HDAC9: variants seen among roughly 807,000 people sequenced by gnomAD.
HDAC9 encodes MEF-2 interacting transcription repressor (MITR) protein.
HDAC9 carries 41 observed loss-of-function variants against 139.4 expected under a neutral mutation model. That is an observed-to-expected ratio of 0.29 (90% CI 0.23 to 0.38). The LOEUF (loss-of-function observed/expected upper bound fraction) is 0.38. HDAC9 is among the 10% of genes least tolerant of loss of function. The pLI is 1.00. For missense variants in HDAC9, 1,147 were observed against 1,297.0 expected (o/e 0.88, Z 1.78); for synonymous variants, 517 against 476.2 (o/e 1.09, Z -1.12).
intron 6 of HDAC9, among the ~76,000 whole-genome samples, chr7:18,596,996 A>G (rs1832682827): frequency 6.6e-6 from 1 of 152,094 alleles, no homozygotes; most frequent in South Asian, 2.1e-4. Context: ...ACCTTTTAGG[A>G]CCTTCCCCAG....
At chr7:18,307,403 C>A (rs1167984041) in intron 1 of HDAC9, among the ~76,000 whole-genome samples, 5 of 152,082 alleles carry the variant, frequency 3.3e-5, no homozygotes, top group Middle Eastern at 3.2e-3. Context: ...TGTTCAAGAC[C>A]ATTATAAAAA....
chr7:18,314,206 G>A (rs576003409), intron 1 of HDAC9, among the ~76,000 whole-genome samples: 2 of 152,282 alleles, frequency 1.3e-5, no homozygotes, highest in South Asian at 4.1e-4. Flanking sequence ...GGATATGTGG[G>A]TGAGGAGGCC....
At chr7:18,148,435 T>C (rs1786509377) in intron 1 of HDAC9, among the ~76,000 whole-genome samples, 1 of 152,164 alleles carries the variant, frequency 6.6e-6, no homozygotes, top group South Asian at 2.1e-4. Flanking sequence ...CTGACTGTAT[T>C]CTGCCTCTCC....
rs1788190300 is a variant in HDAC9 at position 18,648,567 on chromosome 7, C to A, written c.1351C>A (p.Arg451=). 4 of 1,613,490 alleles carry A rather than the reference C, an allele frequency of 2.5e-6. No homozygotes were observed. The highest frequency in any genetic ancestry group is 1.7e-5 in the Admixed American group (1 of 59,968). The part of the protein sequence containing the change: ...HKLPRHRPLN[R]TQSAPLPQST... ...ATTGCCCCGTCACAGACCCCTGAAC[C>A]GAACCCAGTCTGCACCTTTGCCTCA... The change falls in exon 11 of 26, where the codon CGA becomes AGA. Residue 451 remains arginine, a synonymous_variant. Coordinates refer to ENST00000686413, the MANE Select transcript of HDAC9 (RefSeq NM_178425.4).
At chr7:18,980,347 T>A (rs1397278980) in intron 25 of HDAC9, among the ~76,000 whole-genome samples, 2 of 152,220 alleles carry the variant, frequency 1.3e-5, no homozygotes, top group Admixed American at 1.3e-4. Context: ...GCTTCCCATC[T>A]CATCTTTTTC....
At chr7:18,842,166 A>T (rs1482928445) in intron 21 of HDAC9, among the ~76,000 whole-genome samples, 1 of 152,094 alleles carries the variant, frequency 6.6e-6, no homozygotes, top group Non-Finnish European at 1.5e-5. Context: ...CTTGCAATGG[A>T]TTCTCAATTG....
At chr7:18,263,722 C>A (rs1440225491) in intron 2 of HDAC9, among the ~76,000 whole-genome samples, 2 of 151,908 alleles carry the variant, frequency 1.3e-5, no homozygotes, top group Non-Finnish European at 2.9e-5. Flanking sequence ...AATTCTCATG[C>A]CCCAGCCTCC....
intron 1 of HDAC9, among the ~76,000 whole-genome samples, chr7:18,435,073 A>AT (rs1262981641): frequency 6.6e-6 from 1 of 151,206 alleles, no homozygotes; most frequent in East Asian, 1.9e-4. Context: ...AAAAAAAAAA[A>AT]AAAAAAAAGA....
intron 2 of HDAC9, among the ~76,000 whole-genome samples, chr7:18,213,321 T>A (rs537624640): frequency 1.3e-5 from 2 of 152,272 alleles, no homozygotes; most frequent in African/African-American, 4.8e-5. Flanking sequence ...ACCTCATGTA[T>A]ATATAAGAGA....
chr7:18,854,567 T>C (rs1357961536), intron 21 of HDAC9, among the ~76,000 whole-genome samples: 1 of 151,584 alleles, frequency 6.6e-6, no homozygotes, highest in African/African-American at 2.4e-5. Flanking sequence ...GAAGAGTCAA[T>C]AGGAGGGTAG....
In HDAC9 at chr7:18,938,230, CAAAAAAAAAAAAA is replaced by C. The variant is rs71553939; in HGVS notation, c.2937+2300_2937+2312del. Among the ~76,000 whole-genome samples the C allele has an allele frequency of 1.4e-3, 102 of 75,336 alleles. 2 individuals carry two copies. The highest frequency in any genetic ancestry group is 0.014 in the Middle Eastern group (1 of 74). 49.4% of individuals were successfully genotyped at this position (75,336 alleles called of 152,430 possible). A position where few individuals can be genotyped will look rare whatever the true frequency, so the allele number is the denominator to read the frequency against. On this transcript the variant is annotated intron_variant, in intron 23 of 25. Coordinates refer to ENST00000686413, the MANE Select transcript of HDAC9 (RefSeq NM_178425.4). ...TGGGCGACAGAGCGAGACTCCGTCT[CAAAAAAAAAAAAA>C]AAAAAAAAAAATTGATGGCAATATG...
At chr7:18,841,254 A>G (rs926459036) in intron 21 of HDAC9, among the ~76,000 whole-genome samples, 2 of 152,010 alleles carry the variant, frequency 1.3e-5, no homozygotes, top group Non-Finnish European at 2.9e-5. Flanking sequence ...ACAAGTAAAT[A>G]TTTGCATTCA....
At chr7:18,490,523 T>A (rs542060508) in intron 1 of HDAC9, among the ~76,000 whole-genome samples, 1 of 152,168 alleles carries the variant, frequency 6.6e-6, no homozygotes, top group Admixed American at 6.6e-5. Flanking sequence ...TGTAAAATCT[T>A]GCGTCAGATG....
intron 2 of HDAC9, among the ~76,000 whole-genome samples, chr7:18,561,415 A>G (rs1429222946): frequency 6.6e-6 from 1 of 152,178 alleles, no homozygotes; most frequent in Non-Finnish European, 1.5e-5. Flanking sequence ...GTATATCTAA[A>G]CAATTTAATT....
chr7:18,601,409 T>C (rs1833902274), intron 6 of HDAC9, among the ~76,000 whole-genome samples: 1 of 152,202 alleles, frequency 6.6e-6, no homozygotes, highest in African/African-American at 2.4e-5. Flanking sequence ...CGATGTGATT[T>C]GTGGACAAAA....
chr7:18,696,924 G>A (rs911429822), intron 12 of HDAC9, among the ~76,000 whole-genome samples: 15 of 151,938 alleles, frequency 9.9e-5, no homozygotes, highest in African/African-American at 2.4e-4. Flanking sequence ...CATCATTGGC[G>A]CTGAGGAAGA....
chr7:18,694,074 A>C (rs558754307), intron 12 of HDAC9, among the ~76,000 whole-genome samples: 1 of 152,186 alleles, frequency 6.6e-6, no homozygotes, highest in East Asian at 1.9e-4. Flanking sequence ...TGTATTTTGC[A>C]AGTGAAAACA....
At chr7:18,542,881 G>A (rs1040269187) in intron 2 of HDAC9, among the ~76,000 whole-genome samples, 9 of 152,068 alleles carry the variant, frequency 5.9e-5, no homozygotes, top group Non-Finnish European at 1.0e-4. Context: ...ATTAATTACT[G>A]TTATTTATAA....
At chr7:18,917,895 A>G (rs1585306588) in intron 22 of HDAC9, among the ~76,000 whole-genome samples, 1 of 151,974 alleles carries the variant, frequency 6.6e-6, no homozygotes, top group East Asian at 1.9e-4. Context: ...CAATAACGGC[A>G]TATTGGGGCC....
Sources: gnomAD v4.1 joint callset for allele counts (sites outside exome capture counted in the v4.1 genomes callset) on GRCh38, gnomAD v4.1.1 for gene constraint, MANE v1.5 for transcripts, NCBI Gene and HGNC (gene_info 2026-07-23, HGNC 2026-07-21) for gene names.